Variants in SPATA24 observed in about 807,000 individuals in gnomAD.
SPATA24 encodes spermatogenesis-associated protein 24.
A neutral mutation model predicts 28.9 loss-of-function variants in SPATA24; 21 were observed. The observed-to-expected ratio is 0.73, with a 90% CI of 0.52 to 1.05. The LOEUF (loss-of-function observed/expected upper bound fraction) is 1.05, where lower values mean the gene tolerates loss of function less well. SPATA24 is among the 50% of genes least tolerant of loss of function. The probability of loss-of-function intolerance (pLI) is 0.00; values close to 1 mark genes in which losing one functional copy is unlikely to be tolerated. For missense variants in SPATA24, 215 were observed against 242.9 expected, an observed-to-expected ratio of 0.88 and a Z score of 0.76; for synonymous variants, 76 against 89.9, an observed-to-expected ratio of 0.85 and a Z score of 0.88.
Position 139,402,055 on chromosome 5 carries a change from C to T in SPATA24, c.184-10G>A. Reference sequence around the variant, plus strand: ...GGGCAGCTTTCTCTTCCTGCAGGGGCAGCAGCAGTCACCTCATTACCCTAG... The same window carrying T: ...GGGCAGCTTTCTCTTCCTGCAGGGGTAGCAGCAGTCACCTCATTACCCTAG... On this transcript the variant is annotated splice_polypyrimidine_tract_variant and intron_variant, in intron 2 of 5. Transcript: ENST00000450845. The T allele has an allele frequency of 6.5e-7, 1 of 1,550,240 alleles. No individual in the cohort carries two copies. Among genetic ancestry groups the T allele is most frequent in the Non-Finnish European group, 8.7e-7 (1 of 1,146,680 alleles).
At chr5:139,393,939 C>G (rs889277710), downstream of SPATA24, 3 of 1,550,858 alleles carry the variant, frequency 1.9e-6, no homozygotes, top group Non-Finnish European at 2.6e-6. Flanking sequence ...TCGGAACCTC[C>G]GAGGGGATCC....
At chr5:139,393,081 C>A, downstream of SPATA24, 1 of 1,528,150 alleles carries the variant, frequency 6.5e-7, no homozygotes, top group Non-Finnish European at 8.8e-7. Flanking sequence ...GTGCTGGCGG[C>A]TCTTGCGTCT....
chr5:139,393,888 CTGCCG>C (rs903857865), downstream of SPATA24: 138 of 1,549,542 alleles, frequency 8.9e-5, no homozygotes, highest in Non-Finnish European at 1.1e-4. Flanking sequence ...CATTTGGAGT[CTGCCG>C]TGGCGGGGAC....
downstream of SPATA24, chr5:139,394,819 A>T: frequency 6.5e-7 from 1 of 1,530,272 alleles, no homozygotes; most frequent in Non-Finnish European, 8.8e-7. Flanking sequence ...GCCTCGCGGG[A>T]AACCCGAGCC....
rs557359580 is a variant in SPATA24, at chr5:139,397,688, G to T, written c.386-545C>A. ...TCCTGCCTCAGCCTCCCGAGTAGCT[G>T]GGATTACAGGCGCCTGCCACCACGC... On this transcript the variant is annotated intron_variant, in intron 4 of 5. Transcript: ENST00000450845. Among the ~76,000 whole-genome samples the T allele has an allele frequency of 1.2e-4, 18 of 152,052 alleles. No individual in the cohort carries two copies. In the South Asian group the frequency reaches 3.5e-3, roughly 30 times the overall value.
intron 4 of SPATA24, among the ~76,000 whole-genome samples, chr5:139,397,348 C>G (rs1216966602): frequency 6.6e-6 from 1 of 152,100 alleles, no homozygotes; most frequent in African/African-American, 2.4e-5. Context: ...AATGACTTCA[C>G]AAGTCTATTC....
chr5:139,394,819 A>G, downstream of SPATA24: 1 of 1,530,272 alleles, frequency 6.5e-7, no homozygotes, highest in Non-Finnish European at 8.8e-7. Context: ...GCCTCGCGGG[A>G]AACCCGAGCC....
chr5:139,396,609 CA>C, downstream of SPATA24: 1 of 1,434,332 alleles, frequency 7.0e-7, no homozygotes, highest in Non-Finnish European at 9.1e-7. Flanking sequence ...ATTAAATACC[CA>C]AAGGAAGCGG....
downstream of SPATA24, among the ~76,000 whole-genome samples, chr5:139,396,008 C>T (rs1758697961): frequency 6.6e-6 from 1 of 152,206 alleles, no homozygotes; most frequent in Non-Finnish European, 1.5e-5. Flanking sequence ...CACCACCTGT[C>T]ATTGTCTTAC....
At chr5:139,393,565 G>A (rs151107743), downstream of SPATA24, 962 of 1,551,168 alleles carry the variant, frequency 6.2e-4, 11 homozygotes, top group African/African-American at 0.012. Context: ...ACGATCTGGA[G>A]CCTCCCACGG....
downstream of SPATA24, chr5:139,396,386 T>C: frequency 1.0e-6 from 1 of 985,442 alleles, no homozygotes; most frequent in Non-Finnish European, 1.2e-6. Context: ...GGGGGAGGTG[T>C]CAGCAGGTGC....
chr5:139,396,840 G>A lies in SPATA24; in HGVS notation c.578C>T (p.Thr193Ile), dbSNP rs1758719852. The A allele has an allele frequency of 2.6e-6, 4 of 1,551,732 alleles. No homozygotes were observed. The highest frequency in any genetic ancestry group is 1.7e-4 in the Middle Eastern group (1 of 5,992). ...ATGCTGGTGGCTGCGGGCCTGACGT[G>A]TCCCTGAGGCTTTCTTATGCTTCTG... ...LDQKHKKASG[T>I]RQARSHQHPR... The change falls in exon 6 of 6, where the codon ACA becomes ATA. Residue 193 changes from threonine to isoleucine, a missense_variant. Thr to Ile is a moderately conservative substitution (Grantham distance 89). Transcript: ENST00000450845.
intron 4 of SPATA24, among the ~76,000 whole-genome samples, chr5:139,398,186 G>A (rs1015615408): frequency 6.6e-6 from 1 of 152,262 alleles, no homozygotes; most frequent in Non-Finnish European, 1.5e-5. Context: ...GAGTTGCCTC[G>A]ATTTTCAGAC....
intron 4 of SPATA24, among the ~76,000 whole-genome samples, chr5:139,397,928 G>T (rs1758746128): frequency 6.6e-6 from 1 of 152,236 alleles, no homozygotes; most frequent in Non-Finnish European, 1.5e-5. Flanking sequence ...CCGCTGCTGG[G>T]ATGTAAGGTC....
downstream of SPATA24, chr5:139,393,235 C>T (rs937305971): frequency 5.8e-5 from 90 of 1,548,802 alleles, no homozygotes; most frequent in Non-Finnish European, 7.3e-5. Flanking sequence ...CATGCGCGGG[C>T]GTCCCGAGGC....
At chr5:139,393,428 A>G, downstream of SPATA24, 1 of 1,551,646 alleles carries the variant, frequency 6.4e-7, no homozygotes, top group Non-Finnish European at 8.7e-7. Flanking sequence ...CCGGGTGCGG[A>G]CGGTGTAGGC....
At chr5:139,394,107 G>T, downstream of SPATA24, 4 of 1,548,336 alleles carry the variant, frequency 2.6e-6, no homozygotes, top group East Asian at 2.4e-5. Flanking sequence ...CAGGCTTGTC[G>T]CGCCGAATCG....
downstream of SPATA24, chr5:139,393,312 G>A: frequency 6.4e-7 from 1 of 1,550,766 alleles, no homozygotes; most frequent in African/African-American, 1.4e-5. Context: ...GGTGGCTGCC[G>A]GGCGGCTCGG....
Position 139,402,666 on chromosome 5 carries a change from T to C in SPATA24, c.145A>G (p.Ser49Gly), listed in dbSNP as rs977480595. The C allele has an allele frequency of 2.1e-5, 33 of 1,551,764 alleles. No homozygotes were observed. The Middle Eastern group carries it at 5.0e-4, about 23-fold the overall frequency. ...VMVLQDENFV[S>G]KEEFQAVEKK... is the part of the protein sequence containing the mutation. ...TCCACTGCCTGGAACTCTTCTTTAC[T>C]GACAAAATTTTCGTCCTGGAGAACC... Residue 49 changes from serine to glycine, a missense_variant, in exon 2 of 6, where the codon AGT becomes GGT. Transcript: ENST00000450845.
Sources: allele counts gnomAD v4.1 joint callset (sites outside exome capture counted in the v4.1 genomes callset), GRCh38; gene constraint gnomAD v4.1.1; transcripts MANE v1.5; gene names NCBI Gene and HGNC (gene_info 2026-07-23, HGNC 2026-07-21).